Variants in PHF20 observed in about 807,000 individuals in gnomAD.
PHF20 encodes the protein glioma-expressed antigen 2.
In PHF20, 23 loss-of-function variants were observed where a neutral mutation model predicts 113.5. That is an observed-to-expected ratio of 0.20 (90% confidence interval 0.15 to 0.29). PHF20 has a LOEUF of 0.29. Ranked by LOEUF, PHF20 falls within the 10% of genes least tolerant of loss-of-function variation. The probability of loss-of-function intolerance (pLI) is 1.00; values close to 1 mark genes in which losing one functional copy is unlikely to be tolerated. For synonymous variants in PHF20, 434 were observed against 457.3 expected (o/e 0.95, Z 0.65); for missense variants, 943 against 1,219.6 (o/e 0.77, Z 3.38).
chr20:35,781,604 T>C (rs1301873668), intron 1 of PHF20, among the ~76,000 whole-genome samples: 1 of 152,214 alleles, frequency 6.6e-6, no homozygotes, highest in African/African-American at 2.4e-5. Flanking sequence ...TGGTATTAAA[T>C]AATGTTGTGC....
intron 1 of PHF20, among the ~76,000 whole-genome samples, chr20:35,783,583 ATTTT>A (rs760338473): frequency 1.4e-5 from 2 of 142,762 alleles, no homozygotes; most frequent in African/African-American, 5.1e-5. Context: ...CGCTTGGCTA[ATTTT>A]TTTTTTTTTT....
chr20:35,838,681 T>C (rs1313619965), intron 2 of PHF20, among the ~76,000 whole-genome samples: 1 of 152,124 alleles, frequency 6.6e-6, no homozygotes, highest in African/African-American at 2.4e-5. Context: ...ATTTAAATAC[T>C]AAAAGTTAGA....
intron 9 of PHF20, among the ~76,000 whole-genome samples, chr20:35,891,802 G>T (rs1394837668): frequency 6.6e-6 from 1 of 152,096 alleles, no homozygotes; most frequent in Non-Finnish European, 1.5e-5. Context: ...TCACGAGAAA[G>T]GGACGATTGC....
intron 1 of PHF20, among the ~76,000 whole-genome samples, chr20:35,779,600 A>G (rs532612809): frequency 6.0e-4 from 91 of 151,332 alleles, no homozygotes; most frequent in African/African-American, 5.1e-4. Context: ...GCACACTGCA[A>G]CCTCTGTCTC....
At chr20:35,905,306 G>A (rs1309317811) in intron 10 of PHF20, among the ~76,000 whole-genome samples, 3 of 152,200 alleles carry the variant, frequency 2.0e-5, no homozygotes, top group African/African-American at 4.8e-5. Context: ...ACTGTTGAGA[G>A]GAGAAGGTGA....
At chr20:35,883,499 C>T (rs901383557) in intron 9 of PHF20, among the ~76,000 whole-genome samples, 9 of 152,180 alleles carry the variant, frequency 5.9e-5, no homozygotes, top group African/African-American at 9.6e-5. Flanking sequence ...AATGCAGTGG[C>T]GCTGTCACGG....
chr20:35,866,020 C>T (rs922466038), intron 6 of PHF20, among the ~76,000 whole-genome samples: 4 of 151,942 alleles, frequency 2.6e-5, no homozygotes, highest in African/African-American at 7.3e-5. Flanking sequence ...ACCAGCCTGG[C>T]CAACATGGTG....
chr20:35,868,274 C>T (rs898392771), intron 6 of PHF20, among the ~76,000 whole-genome samples: 7 of 150,056 alleles, frequency 4.7e-5, no homozygotes, highest in Middle Eastern at 7.2e-3. Context: ...GCCTGGGCAA[C>T]GAGAGCAAAA....
At chr20:35,879,930 A>T (rs1012460633) in intron 9 of PHF20, among the ~76,000 whole-genome samples, 1 of 152,052 alleles carries the variant, frequency 6.6e-6, no homozygotes, top group African/African-American at 2.4e-5. Flanking sequence ...TCAAAGCTAT[A>T]ATAAGCCATG....
At chr20:35,898,680 G>A (rs572272588) in intron 9 of PHF20, among the ~76,000 whole-genome samples, 2 of 151,904 alleles carry the variant, frequency 1.3e-5, no homozygotes, top group African/African-American at 4.8e-5. Flanking sequence ...GCATGATCTC[G>A]ACTTACTGCA....
chr20:35,888,492 T>C lies in PHF20; in HGVS notation c.1283-10878T>C, dbSNP rs112273233. Reference sequence around the variant, plus strand: ...AGGACAGAGCAGGTAAATGATAATATCAGTAACTACTTGGAAATAGTGATT... The same window carrying C: ...AGGACAGAGCAGGTAAATGATAATACCAGTAACTACTTGGAAATAGTGATT... On this transcript the variant is annotated intron_variant, in intron 9 of 17. Coordinates refer to ENST00000374012, the MANE Select transcript of PHF20 (RefSeq NM_016436.5). 5.7e-3 allele frequency among the ~76,000 whole-genome samples: 868 copies of C among 152,274 alleles called. 6 individuals are homozygous for C. Among genetic ancestry groups the C allele is most frequent in the African/African-American group, 0.019 (807 of 41,560 alleles).
rs1315386502 is a variant in PHF20, at chr20:35,893,707, C to T, written c.1283-5663C>T. Among the ~76,000 whole-genome samples, 3 of 151,664 alleles carry T rather than the reference C, an allele frequency of 2.0e-5. No individual in the cohort carries two copies. The South Asian group carries it at 6.3e-4, about 32-fold the overall frequency. On this transcript the variant is annotated intron_variant, in intron 9 of 17. Transcript: ENST00000374012. ...GCAGCTCATTTCAACCTCCACCTAGCAGGTTCAAGTGATTCTCCTGCCTCA... is the reference window on the plus strand; with the variant it reads ...GCAGCTCATTTCAACCTCCACCTAGTAGGTTCAAGTGATTCTCCTGCCTCA...
At chr20:35,889,246 C>G (rs929215404) in intron 9 of PHF20, among the ~76,000 whole-genome samples, 1 of 152,014 alleles carries the variant, frequency 6.6e-6, no homozygotes, top group South Asian at 2.1e-4. Context: ...GAACTCCTGA[C>G]TTTGTGATTC....
intron 10 of PHF20, among the ~76,000 whole-genome samples, chr20:35,906,223 A>G (rs2147070624): frequency 6.6e-6 from 1 of 152,302 alleles, no homozygotes; most frequent in Admixed American, 6.5e-5. Context: ...ACCTTTTCTC[A>G]TGGGACTACA....
At chr20:35,816,276 A>G (rs1401115854) in intron 2 of PHF20, among the ~76,000 whole-genome samples, 1 of 151,720 alleles carries the variant, frequency 6.6e-6, no homozygotes, top group Non-Finnish European at 1.5e-5. Context: ...GTTCCTAATC[A>G]TACTTTAACC....
chr20:35,806,407 TG>T (rs1305901239), intron 2 of PHF20, among the ~76,000 whole-genome samples: 29 of 138,198 alleles, frequency 2.1e-4, no homozygotes, highest in East Asian at 6.7e-4. Context: ...GTGTTTCACC[TG>T]CCTCGGCTTC....
At chr20:35,853,086 G>A (rs1347343255) in intron 4 of PHF20, among the ~76,000 whole-genome samples, 4 of 150,910 alleles carry the variant, frequency 2.7e-5, no homozygotes, top group African/African-American at 9.7e-5. Flanking sequence ...GCTGGGCTTG[G>A]TGGCGCGCAC....
At chr20:35,946,263 GT>G (rs2056081064) in intron 17 of PHF20, among the ~76,000 whole-genome samples, 1 of 151,894 alleles carries the variant, frequency 6.6e-6, no homozygotes, top group Admixed American at 6.6e-5. Context: ...GAGGTCAGGA[GT>G]TTGAGACCAA....
chr20:35,855,361 C>T (rs2042807612), intron 4 of PHF20: 1 of 684,756 alleles, frequency 1.5e-6, no homozygotes, highest in Admixed American at 2.7e-5. Context: ...CTTTTATGTT[C>T]TTATCCTTTT....
Sources: gnomAD v4.1 joint callset for allele counts (sites outside exome capture counted in the v4.1 genomes callset) on GRCh38, gnomAD v4.1.1 for gene constraint, MANE v1.5 for transcripts, NCBI Gene and HGNC (gene_info 2026-07-23, HGNC 2026-07-21) for gene names.